TRIP4: variants seen among roughly 807,000 people sequenced by gnomAD.
The protein encoded by TRIP4 is activating signal cointegrator 1.
A neutral mutation model predicts 81.8 loss-of-function variants in TRIP4; 54 were observed. That is an observed-to-expected ratio of 0.66 (90% CI 0.53 to 0.83). The LOEUF (loss-of-function observed/expected upper bound fraction) is 0.83. Among genes scored for constraint, TRIP4 ranks in the 40% least tolerant of loss-of-function variants. TRIP4 has a pLI of 0.00. For missense variants in TRIP4, 662 were observed against 683.6 expected, an observed-to-expected ratio of 0.97 and a Z score of 0.35; for synonymous variants, 270 against 242.8, an observed-to-expected ratio of 1.11 and a Z score of -1.04.
At position 64,450,409 on chromosome 15, in the gene TRIP4, A is replaced by G. The variant is rs544008800; in HGVS notation, c.1679-4588A>G. Among the ~76,000 whole-genome samples the G allele has an allele frequency of 5.7e-3, 856 of 151,056 alleles. 6 individuals are homozygous for G. Among genetic ancestry groups the G allele is most frequent in the African/African-American group, 0.019 (801 of 41,194 alleles). On this transcript the variant is annotated intron_variant, in intron 12 of 12. Transcript: ENST00000261884. ...GTCTCAAAAGAAAAAAAAAAAAAAA[A>G]AAAAAGAAAGAAAGGAAAAAAAAGA...
Position 64,391,362 on chromosome 15 carries a change from G to A in TRIP4, c.102-2584G>A, listed in dbSNP as rs899426168. On this transcript the variant is annotated intron_variant, in intron 1 of 12. Coordinates refer to ENST00000261884, the MANE Select transcript of TRIP4 (RefSeq NM_016213.5). ...AGTGGAGATGGGATTCCACCAGGTTGGCCAGGATGGTCTCGGTCTCCTGAC... is the reference window on the plus strand; with the variant it reads ...AGTGGAGATGGGATTCCACCAGGTTAGCCAGGATGGTCTCGGTCTCCTGAC... Among the ~76,000 whole-genome samples the A allele has an allele frequency of 3.3e-5, 5 of 151,740 alleles. No individual in the cohort carries two copies. The South Asian group carries it at 6.2e-4, about 19-fold the overall frequency.
intron 10 of TRIP4, among the ~76,000 whole-genome samples, chr15:64,424,685 G>A (rs1264280119): frequency 1.3e-5 from 2 of 152,124 alleles, no homozygotes; most frequent in Admixed American, 1.3e-4. Flanking sequence ...AGAATAAAAG[G>A]ACAACTACAC....
At chr15:64,417,983 T>C (rs1024445210) in intron 8 of TRIP4, among the ~76,000 whole-genome samples, 2 of 152,260 alleles carry the variant, frequency 1.3e-5, no homozygotes, top group Admixed American at 6.5e-5. Flanking sequence ...AAGCATTGTA[T>C]GGAGATTTCA....
intron 1 of TRIP4, among the ~76,000 whole-genome samples, chr15:64,390,137 G>A (rs900396552): frequency 1.1e-4 from 16 of 146,650 alleles, no homozygotes; most frequent in African/African-American, 3.0e-4. Context: ...TATTAAATAT[G>A]TGTATTATAT....
At chr15:64,425,705 T>C (rs2140301485) in intron 11 of TRIP4, 74 bp downstream of exon 11, 1 of 1,223,910 alleles carries the variant, frequency 8.2e-7, no homozygotes, top group Non-Finnish European at 1.2e-6. Flanking sequence ...GAAAGCACTT[T>C]AAGAGGCTGG....
At position 64,410,569 on chromosome 15, in the gene TRIP4, A is replaced by T. The variant is rs1297895618; in HGVS notation, c.1043+741A>T. On this transcript the variant is annotated intron_variant, in intron 7 of 12. Transcript: ENST00000261884. Reference sequence around the variant, plus strand: ...AATCTAGGTAATGTCTTTATCTCAGACCATTCTATGATGCTGTAATAAGTT... The same window carrying T: ...AATCTAGGTAATGTCTTTATCTCAGTCCATTCTATGATGCTGTAATAAGTT... 4.6e-5 allele frequency among the ~76,000 whole-genome samples: 7 copies of T among 152,180 alleles called. 1 individual carries two copies. Among genetic ancestry groups the T allele is most frequent in the Non-Finnish European group, 1.0e-4 (7 of 68,038 alleles).
In TRIP4 at chr15:64,406,360, C is replaced by G. The variant is rs1420003280; in HGVS notation, c.728C>G (p.Ser243Cys). 5.0e-6 allele frequency: 8 copies of G among 1,614,024 alleles called. No homozygotes were observed. The African/African-American group carries it at 1.1e-4, about 22-fold the overall frequency. The change falls in exon 6 of 13, where the codon TCT becomes TGT. Residue 243 changes from serine to cysteine, a missense_variant. By Grantham distance (112) the Ser-to-Cys change is moderately radical. Transcript: ENST00000261884. ...GAGAATTCTGGAAAGGTGGACATCT[C>G]TACCAAGGACCTTCTTCCTCATCAA... ...GVENSGKVDI[S>C]TKDLLPHQEL...
intron 11 of TRIP4, among the ~76,000 whole-genome samples, chr15:64,437,698 TG>T (rs1892433738): frequency 6.6e-6 from 1 of 152,168 alleles, no homozygotes; most frequent in South Asian, 2.1e-4. Flanking sequence ...TTTGCCATGT[TG>T]GCCAGGCTGG....
intron 9 of TRIP4, among the ~76,000 whole-genome samples, chr15:64,423,680 T>C (rs1224798216): frequency 6.6e-6 from 1 of 152,132 alleles, no homozygotes; most frequent in Non-Finnish European, 1.5e-5. Context: ...TTTCCATATC[T>C]CTAATATGAT....
chr15:64,412,237 T>C (rs896790709), intron 7 of TRIP4, among the ~76,000 whole-genome samples: 2 of 152,194 alleles, frequency 1.3e-5, no homozygotes, highest in Admixed American at 1.3e-4. Flanking sequence ...ATCATTTTAC[T>C]GTGTCAAATT....
At chr15:64,450,930 G>T in intron 12 of TRIP4, 1 of 227,426 alleles carries the variant, frequency 4.4e-6, no homozygotes, top group African/African-American at 2.2e-5. Context: ...AGAATGTGAA[G>T]AAAATGATAT....
intron 7 of TRIP4, among the ~76,000 whole-genome samples, chr15:64,413,190 C>G (rs1387210858): frequency 6.6e-6 from 1 of 152,014 alleles, no homozygotes; most frequent in African/African-American, 2.4e-5. Flanking sequence ...TCAGGGTATT[C>G]CTAGGCAACT....
At chr15:64,434,935 G>A (rs1329167941) in intron 11 of TRIP4, among the ~76,000 whole-genome samples, 1 of 152,032 alleles carries the variant, frequency 6.6e-6, no homozygotes, top group Non-Finnish European at 1.5e-5. Context: ...GATATTATTG[G>A]CCAGGCATGG....
At chr15:64,429,519 G>A (rs138881558) in intron 11 of TRIP4, among the ~76,000 whole-genome samples, 2,128 of 152,156 alleles carry the variant, frequency 0.014, 35 homozygotes, top group Non-Finnish European at 0.023. Flanking sequence ...TCTGTTTACT[G>A]TAGAACATCT....
At chr15:64,431,848 T>TA (rs879733141) in intron 11 of TRIP4, among the ~76,000 whole-genome samples, 698 of 8,032 alleles carry the variant, frequency 0.087, 15 homozygotes, top group East Asian at 0.13. Context: ...TATATATATA[T>TA]TTTTTTTATC....
rs367728098 is a variant in TRIP4, at chr15:64,445,515, G to A, written c.1678+407G>A. Among the ~76,000 whole-genome samples the A allele has an allele frequency of 7.9e-4, 119 of 150,312 alleles. No individual in the cohort carries two copies. The South Asian group carries it at 0.015, about 18-fold the overall frequency. On this transcript the variant is annotated intron_variant, in intron 12 of 12. Transcript: ENST00000261884. ...AAATTAGCTGGGTGTGGTGGCGTGC[G>A]CCTGTAGCACCTGTAGTGCCTGTAG... is the stretch of plus-strand genomic sequence containing the variant.
intron 1 of TRIP4, among the ~76,000 whole-genome samples, chr15:64,390,332 C>A (rs900428969): frequency 6.7e-6 from 1 of 149,810 alleles, no homozygotes; most frequent in Non-Finnish European, 1.5e-5. Context: ...TGTGGTGGAG[C>A]GTGCAGGTCA....
At chr15:64,451,644 T>G (rs1397686747) in intron 12 of TRIP4, among the ~76,000 whole-genome samples, 2 of 150,082 alleles carry the variant, frequency 1.3e-5, no homozygotes, top group East Asian at 4.0e-4. Flanking sequence ...GCTAATTTTT[T>G]ATTGCTTTTA....
At chr15:64,445,290 CT>C (rs1002601387) in intron 12 of TRIP4, 182 bp downstream of exon 12, 266 of 388,370 alleles carry the variant, frequency 6.8e-4, no homozygotes, top group Middle Eastern at 2.0e-3. Context: ...CTTTTCTTTT[CT>C]TTTTTTTTGT....
Sources: gnomAD v4.1 joint callset for allele counts (sites outside exome capture counted in the v4.1 genomes callset) on GRCh38, gnomAD v4.1.1 for gene constraint, MANE v1.5 for transcripts, NCBI Gene and HGNC (gene_info 2026-07-23, HGNC 2026-07-21) for gene names.